Variants in TTLL5 observed in about 807,000 individuals in gnomAD.
TTLL5 encodes the protein tubulin tyrosine ligase like 5.
Under a neutral mutation model 168.4 loss-of-function variants are expected in TTLL5, and 132 were observed. The observed-to-expected ratio is 0.78, with a 90% CI of 0.68 to 0.91. The LOEUF (loss-of-function observed/expected upper bound fraction) is 0.91. Among genes scored for constraint, TTLL5 ranks in the 40% least tolerant of loss-of-function variants. TTLL5 has a pLI of 0.00. For synonymous variants in TTLL5, 546 were observed against 558.6 expected (o/e 0.98, Z 0.32); for missense variants, 1,545 against 1,581.5 (o/e 0.98, Z 0.39).
chr14:75,777,486 T>A (rs1437187944), intron 23 of TTLL5, among the ~76,000 whole-genome samples: 1 of 152,246 alleles, frequency 6.6e-6, no homozygotes, highest in Non-Finnish European at 1.5e-5. Context: ...GATATTCATC[T>A]CTCTATCTTG....
At chr14:75,904,793 T>C (rs1342270008) in intron 31 of TTLL5, among the ~76,000 whole-genome samples, 1 of 152,222 alleles carries the variant, frequency 6.6e-6, no homozygotes, top group Non-Finnish European at 1.5e-5. Flanking sequence ...CTCTGAACTT[T>C]TCGAATTTGT....
At chr14:75,875,379 T>TA (rs528772291) in intron 29 of TTLL5, among the ~76,000 whole-genome samples, 65,692 of 140,558 alleles carry the variant, frequency 0.47, 19,075 homozygotes, top group Non-Finnish European at 0.65. Context: ...CCATCTCTAC[T>TA]AAAAAAAAAA....
intron 28 of TTLL5, among the ~76,000 whole-genome samples, chr14:75,844,959 C>T (rs1896465322): frequency 6.6e-6 from 1 of 152,234 alleles, no homozygotes; most frequent in African/African-American, 2.4e-5. Context: ...CCTCCACACT[C>T]CTGCCATTTA....
intron 12 of TTLL5, among the ~76,000 whole-genome samples, chr14:75,724,403 T>C (rs1247222658): frequency 1.3e-5 from 2 of 152,190 alleles, no homozygotes; most frequent in East Asian, 1.9e-4. Context: ...AAATTTTATG[T>C]AGGATGAGAT....
chr14:75,856,677 A>G (rs1229892362), intron 28 of TTLL5, among the ~76,000 whole-genome samples: 3 of 134,294 alleles, frequency 2.2e-5, no homozygotes, highest in African/African-American at 8.7e-5. Flanking sequence ...CCCAGGCTGG[A>G]GTGCAGTGGC....
chr14:75,774,642 G>A (rs1891609148), intron 21 of TTLL5, among the ~76,000 whole-genome samples: 1 of 152,010 alleles, frequency 6.6e-6, no homozygotes, highest in Non-Finnish European at 1.5e-5. Context: ...ATTTGACATG[G>A]AACCCTTTCT....
chr14:75,742,118 C>A (rs1028080277), intron 15 of TTLL5, among the ~76,000 whole-genome samples: 1 of 152,132 alleles, frequency 6.6e-6, no homozygotes, highest in African/African-American at 2.4e-5. Context: ...ATAACTTTTT[C>A]TTTAAGTACT....
intron 5 of TTLL5, 120 bp downstream of exon 5, chr14:75,683,776 C>CTT (rs11406886): frequency 0.038 from 18,412 of 482,674 alleles, 12 homozygotes; most frequent in Non-Finnish European, 0.045. Flanking sequence ...AGAAGAAGGA[C>CTT]TTTTTTTTTT....
At chr14:75,815,252 A>G (rs1440646191) in intron 27 of TTLL5, among the ~76,000 whole-genome samples, 1 of 152,262 alleles carries the variant, frequency 6.6e-6, no homozygotes, top group East Asian at 1.9e-4. Flanking sequence ...TGGTAGGAAC[A>G]GATTTTTTGT....
At chr14:75,714,013 G>A (rs1005203396) in intron 9 of TTLL5, among the ~76,000 whole-genome samples, 1 of 150,666 alleles carries the variant, frequency 6.6e-6, no homozygotes, top group Non-Finnish European at 1.5e-5. Flanking sequence ...GTATTTAGCC[G>A]TCGGGTCTCC....
intron 24 of TTLL5, among the ~76,000 whole-genome samples, chr14:75,779,959 T>G (rs1046438139): frequency 3.9e-5 from 6 of 152,180 alleles, no homozygotes; most frequent in Non-Finnish European, 8.8e-5. Context: ...AGCTGATATT[T>G]AGTGAACACT....
chr14:75,670,375 C>G (rs1017032246), intron 3 of TTLL5, among the ~76,000 whole-genome samples: 2 of 152,098 alleles, frequency 1.3e-5, no homozygotes, highest in Non-Finnish European at 2.9e-5. Flanking sequence ...GTGAATTGTG[C>G]TGCTATGAAT....
chr14:75,860,979 G>T (rs774852827), intron 28 of TTLL5, among the ~76,000 whole-genome samples: 1 of 152,122 alleles, frequency 6.6e-6, no homozygotes. Flanking sequence ...TATTTGATCA[G>T]TGCTCACCAT....
At position 75,954,309 on chromosome 14, in the gene TTLL5, T is replaced by TG. The variant is rs888697386; in HGVS notation, c.3824-112dup. 8 of 1,024,330 alleles carry TG rather than the reference T, an allele frequency of 7.8e-6. No individual in the cohort carries two copies. The Middle Eastern group carries it at 6.7e-4, about 85-fold the overall frequency. 63.5% of individuals were successfully genotyped at this position (1,024,330 alleles called of 1,614,324 possible). A position where few individuals can be genotyped will look rare whatever the true frequency, so the allele number is the denominator to read the frequency against. On this transcript the variant is annotated intron_variant, in intron 31 of 31. Transcript: ENST00000298832. ...CACTTAGAGGTGAACTTCATTTATT[T>TG]GGGCCACCACTTCTTTATTCTTCAG... is the stretch of plus-strand genomic sequence containing the variant.
intron 29 of TTLL5, 80 bp from the exon 30 acceptor site, chr14:75,882,605 G>A (rs555863327): frequency 8.5e-6 from 11 of 1,294,612 alleles, no homozygotes; most frequent in Non-Finnish European, 1.1e-5. Context: ...CCCCTTGACA[G>A]GATTACAGAC....
chr14:75,665,457 A>G (rs11624114), intron 2 of TTLL5, among the ~76,000 whole-genome samples: 74,578 of 152,046 alleles, frequency 0.49, 22,685 homozygotes, highest in Non-Finnish European at 0.66. Flanking sequence ...GAGTTGCCCA[A>G]TTGTTGTCCA....
intron 27 of TTLL5, among the ~76,000 whole-genome samples, chr14:75,811,200 T>G (rs1034347081): frequency 2.0e-5 from 3 of 149,546 alleles, no homozygotes; most frequent in Non-Finnish European, 1.5e-5. Context: ...TGTGTGTGTG[T>G]GTGTTTGGGA....
intron 6 of TTLL5, among the ~76,000 whole-genome samples, chr14:75,694,952 C>T (rs1297903690): frequency 1.3e-5 from 2 of 152,036 alleles, no homozygotes; most frequent in Non-Finnish European, 2.9e-5. Flanking sequence ...ACAAATTGTT[C>T]GTAAAGCATG....
At chr14:75,882,662 T>A (rs1200474765) in intron 29 of TTLL5, 23 bp from the exon 30 acceptor site, 1 of 1,595,188 alleles carries the variant, frequency 6.3e-7, no homozygotes, top group Non-Finnish European at 8.6e-7. Context: ...CCATCGATCA[T>A]TTTTTTCCTT....
Sources: allele counts gnomAD v4.1 joint callset (sites outside exome capture counted in the v4.1 genomes callset), GRCh38; gene constraint gnomAD v4.1.1; transcripts MANE v1.5; gene names NCBI Gene and HGNC (gene_info 2026-07-23, HGNC 2026-07-21).